The following GPR149 variants were observed in gnomAD, a reference collection of about 807,000 sequenced individuals.
GPR149 encodes probable G protein-coupled receptor 149.
In GPR149, 50 loss-of-function variants were observed where a neutral mutation model predicts 50.2. The ratio of observed to expected loss-of-function variants is 1.00; its 90% CI spans 0.79 to 1.26. The LOEUF is 1.26. GPR149 is among the 50% of genes most tolerant of loss of function. The pLI is 0.00. For missense variants in GPR149, 983 were observed against 895.4 expected (o/e 1.10, Z -1.25); for synonymous variants, 405 against 358.2 (o/e 1.13, Z -1.48).
At chr3:154,378,544 G>A (rs1032685631) in intron 3 of GPR149, among the ~76,000 whole-genome samples, 1 of 152,142 alleles carries the variant, frequency 6.6e-6, no homozygotes, top group Non-Finnish European at 1.5e-5. Context: ...AATGCTAGGA[G>A]TGGAATTCCT....
chr3:154,341,986 A>G (rs1713809061), intron 3 of GPR149, among the ~76,000 whole-genome samples: 1 of 152,196 alleles, frequency 6.6e-6, no homozygotes, highest in South Asian at 2.1e-4. Flanking sequence ...AATCAAATAA[A>G]CTTCTTACAT....
intron 3 of GPR149, among the ~76,000 whole-genome samples, chr3:154,365,424 A>G (rs1025037217): frequency 1.3e-5 from 2 of 152,120 alleles, no homozygotes; most frequent in Non-Finnish European, 2.9e-5. Context: ...GCTTCCCTCT[A>G]TTCATACTAA....
At position 154,421,253 on chromosome 3, in the gene GPR149, A is replaced by G; in HGVS notation, c.1409T>C (p.Ile470Thr). The G allele has an allele frequency of 6.2e-7, 1 of 1,613,428 alleles. No individual in the cohort carries two copies. The highest frequency in any genetic ancestry group is 8.5e-7 in the Non-Finnish European group (1 of 1,179,552). Reference protein sequence around the residue: ...PSLDSSTQRGINKCTNTDITE... With the variant: ...PSLDSSTQRGTNKCTNTDITE... ...AATATCAGTATTTGTGCATTTGTTG[A>G]TGCCTCTTTGTGTGGAGCTGTCCAG... is the stretch of plus-strand genomic sequence containing the variant. Residue 470 changes from isoleucine (I) to threonine (T), a missense_variant, in exon 3 of 4, where the codon ATC becomes ACC. Transcript: ENST00000389740.
intron 3 of GPR149, among the ~76,000 whole-genome samples, chr3:154,404,447 CAG>C (rs777224722): frequency 1.4e-4 from 22 of 152,160 alleles, no homozygotes; most frequent in Non-Finnish European, 2.9e-4. Context: ...TATCCACACA[CAG>C]AGTTTTAGAG....
At chr3:154,340,492 A>C (rs1347890068) in intron 3 of GPR149, among the ~76,000 whole-genome samples, 1 of 152,226 alleles carries the variant, frequency 6.6e-6, no homozygotes, top group Non-Finnish European at 1.5e-5. Flanking sequence ...CTAAGTAAGG[A>C]TGTACATGAT....
intron 2 of GPR149, among the ~76,000 whole-genome samples, chr3:154,422,767 A>G (rs927937137): frequency 2.6e-5 from 4 of 151,836 alleles, no homozygotes; most frequent in African/African-American, 9.7e-5. Context: ...TTCATATTTT[A>G]TATACTGTCT....
At chr3:154,403,472 A>G (rs953566918) in intron 3 of GPR149, among the ~76,000 whole-genome samples, 1 of 152,126 alleles carries the variant, frequency 6.6e-6, no homozygotes, top group Admixed American at 6.5e-5. Flanking sequence ...TGTTAGCTTT[A>G]GTTTTGTTCT....
chr3:154,394,291 G>A (rs1715238308), intron 3 of GPR149, among the ~76,000 whole-genome samples: 1 of 151,876 alleles, frequency 6.6e-6, no homozygotes, highest in African/African-American at 2.4e-5. Flanking sequence ...CTTTAAGAAG[G>A]GCACCAAGAA....
intron 3 of GPR149, among the ~76,000 whole-genome samples, chr3:154,420,796 C>A (rs1180121178): frequency 1.3e-5 from 2 of 151,746 alleles, no homozygotes; most frequent in East Asian, 1.9e-4. Context: ...AATTCCCTAC[C>A]CTTCTTAAAG....
chr3:154,396,074 C>A (rs968613426), intron 3 of GPR149, among the ~76,000 whole-genome samples: 2 of 151,936 alleles, frequency 1.3e-5, no homozygotes, highest in East Asian at 3.9e-4. Flanking sequence ...TTTTTTTTAA[C>A]GTTGCCTAGC....
chr3:154,408,266 T>C (rs906596950), intron 3 of GPR149, among the ~76,000 whole-genome samples: 6 of 152,136 alleles, frequency 3.9e-5, no homozygotes, highest in African/African-American at 1.4e-4. Context: ...GAGACTCACA[T>C]CATGAACTTT....
chr3:154,385,512 A>T (rs1428380212), intron 3 of GPR149, among the ~76,000 whole-genome samples: 1 of 152,032 alleles, frequency 6.6e-6, no homozygotes, highest in Non-Finnish European at 1.5e-5. Flanking sequence ...GGAGTCTGAC[A>T]CTCTGGGTAG....
At chr3:154,415,243 C>G (rs1213713814) in intron 3 of GPR149, among the ~76,000 whole-genome samples, 2 of 151,782 alleles carry the variant, frequency 1.3e-5, no homozygotes, top group Non-Finnish European at 2.9e-5. Flanking sequence ...TAACAGAATT[C>G]TTAGCTAACA....
intron 3 of GPR149, among the ~76,000 whole-genome samples, chr3:154,404,856 TATC>T (rs1553766232): frequency 2.8e-5 from 4 of 140,502 alleles, no homozygotes; most frequent in Admixed American, 7.0e-5. Flanking sequence ...AAATACTAGC[TATC>T]ATCATCATCA....
intron 3 of GPR149, among the ~76,000 whole-genome samples, chr3:154,378,246 CTTA>C (rs200752882): frequency 1.3e-5 from 2 of 151,672 alleles, no homozygotes; most frequent in South Asian, 4.2e-4. Context: ...CCACACCTGG[CTTA>C]TTATTATTAT....
intron 3 of GPR149, among the ~76,000 whole-genome samples, chr3:154,347,565 C>A (rs1713963459): frequency 2.0e-5 from 3 of 152,178 alleles, no homozygotes. Context: ...ACCGCCAAAC[C>A]ATATTACATG....
chr3:154,347,325 G>A (rs1713953297), intron 3 of GPR149, among the ~76,000 whole-genome samples: 2 of 152,186 alleles, frequency 1.3e-5, no homozygotes, highest in South Asian at 4.1e-4. Context: ...AATCATGACG[G>A]AAGAGGACAC....
At chr3:154,424,883 A>G (rs940776326) in intron 2 of GPR149, among the ~76,000 whole-genome samples, 5 of 141,192 alleles carry the variant, frequency 3.5e-5, no homozygotes, top group African/African-American at 1.4e-4. Flanking sequence ...CATTTTGTCA[A>G]AAAAAAAAAA....
chr3:154,392,493 T>G (rs1715193634), intron 3 of GPR149, among the ~76,000 whole-genome samples: 1 of 150,940 alleles, frequency 6.6e-6, no homozygotes, highest in African/African-American at 2.4e-5. Flanking sequence ...AGCAGGAAAC[T>G]CTCAAATAAT....
Sources: allele counts gnomAD v4.1 joint callset (sites outside exome capture counted in the v4.1 genomes callset), GRCh38; gene constraint gnomAD v4.1.1; transcripts MANE v1.5; gene names NCBI Gene and HGNC (gene_info 2026-07-23, HGNC 2026-07-21).